The following FAM170A variants were observed in gnomAD, a reference collection of about 807,000 sequenced individuals.
FAM170A encodes the protein protein FAM170A.
A neutral mutation model predicts 36.6 loss-of-function variants in FAM170A; 28 were observed. That is an observed-to-expected ratio of 0.76 (90% confidence interval 0.57 to 1.05). The LOEUF (loss-of-function observed/expected upper bound fraction) is 1.05, where lower values mean the gene tolerates loss of function less well. FAM170A is among the 50% of genes least tolerant of loss of function. FAM170A has a pLI of 0.00. For missense variants in FAM170A, 434 were observed against 396.5 expected (o/e 1.09, Z -0.80); for synonymous variants, 156 against 143.9 (o/e 1.08, Z -0.60).
intron 2 of FAM170A, among the ~76,000 whole-genome samples, chr5:119,633,318 T>C (rs542731285): frequency 2.0e-5 from 3 of 152,192 alleles, no homozygotes; most frequent in Non-Finnish European, 2.9e-5. Context: ...ACAGAGCTGT[T>C]AGAAGAGCAT....
intron 1 of FAM170A, among the ~76,000 whole-genome samples, 184 bp downstream of exon 1, chr5:119,630,022 G>T (rs1473612463): frequency 6.6e-6 from 1 of 151,928 alleles, no homozygotes; most frequent in South Asian, 2.1e-4. Flanking sequence ...CTCCCGAGTA[G>T]CTGGGACTAC....
At chr5:119,631,015 A>G (rs1461676606) in intron 1 of FAM170A, among the ~76,000 whole-genome samples, 1 of 152,226 alleles carries the variant, frequency 6.6e-6, no homozygotes, top group African/African-American at 2.4e-5. Context: ...AATCCAATAG[A>G]GTTTGTGAAT....
At chr5:119,629,668 A>G in exon 1 of FAM170A, 1 of 892,474 alleles carries the variant, frequency 1.1e-6, no homozygotes, top group East Asian at 2.6e-5. Flanking sequence ...CTCGTACTGA[A>G]TCTTTTTAAT....
chr5:119,631,323 A>T (rs906533600), intron 1 of FAM170A, among the ~76,000 whole-genome samples: 12 of 152,198 alleles, frequency 7.9e-5, no homozygotes, highest in Admixed American at 6.5e-5. Context: ...GGGCTGGGAC[A>T]GGAAGGGGAA....
intron 1 of FAM170A, among the ~76,000 whole-genome samples, chr5:119,630,805 G>A (rs12109691): frequency 0.27 from 41,563 of 152,132 alleles, 5,912 homozygotes; most frequent in Non-Finnish European, 0.3. Context: ...TGGAAGGTGT[G>A]AAGGGTGCTG....
exon 3 of FAM170A, chr5:119,634,693 C>T: frequency 6.4e-7 from 1 of 1,560,344 alleles, no homozygotes; most frequent in South Asian, 1.2e-5. Context: ...GATCCTGGAG[C>T]CAATGTCCAG....
chr5:119,630,593 CG>C (rs1455296553), intron 1 of FAM170A, among the ~76,000 whole-genome samples: 2 of 152,228 alleles, frequency 1.3e-5, no homozygotes, highest in East Asian at 3.9e-4. Context: ...AGATGTGAGA[CG>C]GACAGGAAGT....
chr5:119,633,792 A>G (rs1471451269), intron 2 of FAM170A, among the ~76,000 whole-genome samples, 168 bp from the exon 3 acceptor site: 4 of 152,076 alleles, frequency 2.6e-5, no homozygotes, highest in Non-Finnish European at 4.4e-5. Flanking sequence ...CTACACGCAA[A>G]TGACACTAGA....
At chr5:119,631,062 G>A (rs980383767) in intron 1 of FAM170A, among the ~76,000 whole-genome samples, 4 of 152,208 alleles carry the variant, frequency 2.6e-5, no homozygotes, top group African/African-American at 9.7e-5. Flanking sequence ...ATGAAGCACA[G>A]GGTAAGGGCC....
exon 2 of FAM170A, chr5:119,632,876 C>T (rs1298745474): frequency 1.2e-6 from 2 of 1,607,800 alleles, no homozygotes; most frequent in South Asian, 2.2e-5. Context: ...TTCACGCAAG[C>T]TCATCCACAG....
In FAM170A at chr5:119,629,596, G is replaced by A; in HGVS notation, c.-173G>A. The A allele has an allele frequency of 1.9e-6, 1 of 533,824 alleles. No homozygotes were observed. The highest frequency in any genetic ancestry group is 3.4e-6 in the Non-Finnish European group (1 of 292,972). 33.1% of individuals were successfully genotyped at this position (533,824 alleles called of 1,614,324 possible). ...CCTGCAGTGTAGTGGGCACTGGGCA[G>A]TGCTGCTCCTTCACTAAGCGGTCTG... On this transcript the variant is annotated 5_prime_UTR_variant, in exon 1 of 5. The change creates a new upstream start codon in the 5' untranslated region. Coordinates refer to ENST00000613773, the Ensembl canonical transcript of FAM170A.
chr5:119,629,683 T>G lies in FAM170A; in HGVS notation c.-86T>G. On this transcript the variant is annotated 5_prime_UTR_variant, in exon 1 of 5. In the 5' UTR this introduces an upstream ATG that the reference lacks. Transcript: ENST00000613773. Reference sequence around the variant, plus strand: ...CTCGTACTGAATCTTTTTAATGAATTTCCTGAGAGCCAAGAAGGGCCAATC... The same window carrying G: ...CTCGTACTGAATCTTTTTAATGAATGTCCTGAGAGCCAAGAAGGGCCAATC... The G allele has an allele frequency of 9.8e-7, 1 of 1,016,164 alleles. No individual in the cohort carries two copies. Among genetic ancestry groups the G allele is most frequent in the Non-Finnish European group, 1.5e-6 (1 of 657,810 alleles). The allele number at this position is 1,016,164 out of a possible 1,614,324, so 62.9% of individuals were successfully genotyped here.
exon 3 of FAM170A, chr5:119,634,068 A>T (rs188245610): frequency 1.2e-6 from 2 of 1,614,028 alleles, no homozygotes; most frequent in African/African-American, 2.7e-5. Flanking sequence ...TTGTCGTCCT[A>T]TTCATCCTAT....
exon 2 of FAM170A, chr5:119,632,809 G>C (rs1441416532): frequency 9.3e-6 from 15 of 1,613,180 alleles, no homozygotes; most frequent in Non-Finnish European, 1.3e-5. Context: ...CCAAAGGCTG[G>C]AGCCAAGGGG....
chr5:119,634,261 T>C (rs1561524818), exon 3 of FAM170A: 2 of 1,614,096 alleles, frequency 1.2e-6, no homozygotes, highest in South Asian at 1.1e-5. Context: ...GGGTAGGTAC[T>C]CCCCCCTCTG....
At chr5:119,633,845 C>T in intron 2 of FAM170A, 115 bp from the exon 3 acceptor site, 1 of 1,340,992 alleles carries the variant, frequency 7.5e-7, no homozygotes, top group Non-Finnish European at 1.0e-6. Context: ...AAGCTCACTA[C>T]ACAGCTGCAT....
In FAM170A at chr5:119,634,118, AG is replaced by A. The variant is rs1756319361; in HGVS notation, c.374del (p.Gly125AlafsTer2). ...CTCTCTGTGTGTAAACAAAGAGGAA[AG>A]GGGCATGAAAATATACTACATGCAG... On this transcript the variant is annotated frameshift_variant, in exon 3 of 5. Transcript: ENST00000613773. LOFTEE classifies it high-confidence loss of function. The A allele has an allele frequency of 6.2e-7, 1 of 1,614,172 alleles. No individual in the cohort carries two copies. The highest frequency in any genetic ancestry group is 8.5e-7 in the Non-Finnish European group (1 of 1,180,004).
At chr5:119,629,692 G>A in exon 1 of FAM170A, 1 of 1,085,900 alleles carries the variant, frequency 9.2e-7, no homozygotes, top group Non-Finnish European at 1.4e-6. Flanking sequence ...TTTCCTGAGA[G>A]CCAAGAAGGG....
chr5:119,632,895 G>A lies in FAM170A; in HGVS notation c.211+7G>A. On this transcript the variant is annotated splice_region_variant and intron_variant, in intron 2 of 4. Transcript: ENST00000613773. ...CGCAAGCTCATCCACAGTGGTAAGG[G>A]TGCAGGGTTCCTTCGGCACGTGGCT... 1.3e-6 allele frequency: 2 copies of A among 1,577,860 alleles called. No homozygotes were observed. Among genetic ancestry groups the A allele is most frequent in the Non-Finnish European group, 1.7e-6 (2 of 1,156,336 alleles).
Sources: allele counts gnomAD v4.1 joint callset (sites outside exome capture counted in the v4.1 genomes callset), GRCh38; gene constraint gnomAD v4.1.1; transcripts MANE v1.5; gene names NCBI Gene and HGNC (gene_info 2026-07-23, HGNC 2026-07-21).